The following LRPPRC variants were observed in gnomAD, a reference collection of about 807,000 sequenced individuals.
LRPPRC encodes the protein leucine rich pentatricopeptide repeat containing, also known as leucine-rich PPR motif-containing protein, mitochondrial.
Under a neutral mutation model 180.3 loss-of-function variants are expected in LRPPRC, and 120 were observed. That is an observed-to-expected ratio of 0.67 (90% CI 0.57 to 0.77). The LOEUF (loss-of-function observed/expected upper bound fraction) is 0.77, where lower values mean the gene tolerates loss of function less well. LRPPRC is among the 30% of genes least tolerant of loss of function. The pLI, the probability that LRPPRC is intolerant of heterozygous loss-of-function variation, is 0.00. For missense variants in LRPPRC, 2,012 were observed against 1,657.2 expected (o/e 1.21, Z -3.72); for synonymous variants, 723 against 600.0 (o/e 1.21, Z -3.00).
At chr2:43,908,317 T>A (rs889492310) in intron 30 of LRPPRC, among the ~76,000 whole-genome samples, 10 of 152,332 alleles carry the variant, frequency 6.6e-5, no homozygotes, top group African/African-American at 2.4e-4. Context: ...ATAAATTATT[T>A]TGAAACATGA....
chr2:43,940,943 A>C (rs1023946899), intron 23 of LRPPRC, among the ~76,000 whole-genome samples: 3 of 152,206 alleles, frequency 2.0e-5, no homozygotes. Flanking sequence ...TACATGTAAA[A>C]TACGTGGCTT....
chr2:43,969,791 T>A (rs1277002977), intron 11 of LRPPRC, among the ~76,000 whole-genome samples: 1 of 152,058 alleles, frequency 6.6e-6, no homozygotes, highest in East Asian at 1.9e-4. Context: ...CTAGCAATCC[T>A]CCCACCCCAG....
chr2:43,896,542 G>A, intron 35 of LRPPRC, 92 bp downstream of exon 35: 1 of 843,032 alleles, frequency 1.2e-6, no homozygotes, highest in Non-Finnish European at 2.1e-6. Flanking sequence ...CTCAAATAAG[G>A]TCCTGAAACA....
intron 35 of LRPPRC, among the ~76,000 whole-genome samples, chr2:43,895,671 A>T (rs532814726): frequency 1.3e-5 from 2 of 152,238 alleles, no homozygotes; most frequent in Non-Finnish European, 2.9e-5. Flanking sequence ...AAGTGTAGGT[A>T]TATCTAGGGG....
intron 29 of LRPPRC, among the ~76,000 whole-genome samples, chr2:43,913,639 T>C (rs1040903212): frequency 6.6e-6 from 1 of 152,200 alleles, no homozygotes; most frequent in Admixed American, 6.5e-5. Flanking sequence ...GCAACATTTA[T>C]ATTTGCATCT....
upstream of LRPPRC, chr2:43,996,021 T>G (rs561846730): frequency 3.3e-5 from 49 of 1,480,334 alleles, no homozygotes; most frequent in South Asian, 5.8e-4. Flanking sequence ...CAGGGTAGCC[T>G]GGCGCGGCAG....
At chr2:43,984,073 C>A (rs894132459) in intron 1 of LRPPRC, among the ~76,000 whole-genome samples, 2 of 151,974 alleles carry the variant, frequency 1.3e-5, no homozygotes, top group Non-Finnish European at 2.9e-5. Flanking sequence ...AGAAGATATA[C>A]CCTTAAAATA....
At chr2:43,934,711 A>G in intron 24 of LRPPRC, 43 bp downstream of exon 24, 1 of 1,577,824 alleles carries the variant, frequency 6.3e-7, no homozygotes, top group Non-Finnish European at 8.7e-7. Flanking sequence ...AATCAGCAAG[A>G]AGGGAAAAAA....
chr2:43,994,609 G>C (rs919921959), intron 1 of LRPPRC, among the ~76,000 whole-genome samples: 2 of 152,154 alleles, frequency 1.3e-5, no homozygotes, highest in Non-Finnish European at 2.9e-5. Context: ...TGCAGTCTGG[G>C]CCCAGCCTAC....
chr2:43,904,888 C>T (rs757459940), intron 31 of LRPPRC, among the ~76,000 whole-genome samples: 6 of 152,048 alleles, frequency 3.9e-5, no homozygotes, highest in Non-Finnish European at 8.8e-5. Context: ...TCACTGTATT[C>T]ACTCAAATTC....
chr2:43,989,949 C>G (rs1159615984), intron 1 of LRPPRC, among the ~76,000 whole-genome samples: 1 of 152,182 alleles, frequency 6.6e-6, no homozygotes, highest in Non-Finnish European at 1.5e-5. Context: ...TGCGGTGGCT[C>G]ATGCCTTTAA....
rs1280817242 is a variant in LRPPRC at position 43,925,254 on chromosome 2, CA to C, written c.2806-98del. On this transcript the variant is annotated intron_variant, in intron 26 of 37. Transcript: ENST00000260665. ...GAATAATCTTTCAAATTAGCTTTAC[CA>C]AAAGGGCAGTTGAACTTCATTTCAA... The C allele has an allele frequency of 1.3e-4, 99 of 791,730 alleles. 1 individual carries two copies. Among genetic ancestry groups the C allele is most frequent in the Middle Eastern group, 2.8e-4 (1 of 3,530 alleles). 49.0% of individuals were successfully genotyped at this position (791,730 alleles called of 1,614,324 possible). A position where few individuals can be genotyped will look rare whatever the true frequency, so the allele number is the denominator to read the frequency against.
Position 43,948,213 on chromosome 2 carries a change from AG to A in LRPPRC, c.1843-15del. 1 of 1,456,566 alleles carries A rather than the reference AG, an allele frequency of 6.9e-7. No individual in the cohort carries two copies. The highest frequency in any genetic ancestry group is 9.6e-7 in the Non-Finnish European group (1 of 1,036,616). 90.2% of individuals were successfully genotyped at this position (1,456,566 alleles called of 1,614,324 possible). ...AATTTTTACATTCTGTGAGAAGGGA[AG>A]GGAGGGGGGAAAAAACCTGAGTTTT... On this transcript the variant is annotated splice_polypyrimidine_tract_variant and intron_variant, in intron 17 of 37. Coordinates refer to ENST00000260665, the MANE Select transcript of LRPPRC (RefSeq NM_133259.4).
chr2:43,957,708 T>C (rs151336342), intron 13 of LRPPRC, among the ~76,000 whole-genome samples: 4 of 152,200 alleles, frequency 2.6e-5, no homozygotes, highest in African/African-American at 4.8e-5. Context: ...TTCCTATAAA[T>C]GGCAATTACT....
At chr2:43,976,487 CACT>C (rs1329814590) in intron 5 of LRPPRC, among the ~76,000 whole-genome samples, 2 of 152,018 alleles carry the variant, frequency 1.3e-5, no homozygotes, top group Non-Finnish European at 2.9e-5. Context: ...ATTTGTCTTA[CACT>C]ACTAATTACC....
chr2:43,930,539 T>G (rs150685243), intron 25 of LRPPRC, among the ~76,000 whole-genome samples: 78 of 152,346 alleles, frequency 5.1e-4, no homozygotes, highest in Non-Finnish European at 4.9e-4. Context: ...TTATTTTTAA[T>G]GGCCACATCA....
chr2:43,945,346 T>A lies in LRPPRC; in HGVS notation c.2282A>T (p.His761Leu). Residue 761 changes from histidine to leucine, a missense_variant, in exon 22 of 38, where the codon CAT becomes CTT. Transcript: ENST00000260665. ...CTGAGGCTTACCTTGGAGCTTGCCATGCTTTGCCAATACTCTTACAAGGCC... is the reference window on the plus strand; with the variant it reads ...CTGAGGCTTACCTTGGAGCTTGCCAAGCTTTGCCAATACTCTTACAAGGCC... ...YVGLVRVLAKHGKLQDAINIL... is the reference protein window; with the variant it reads ...YVGLVRVLAKLGKLQDAINIL... 2.5e-6 allele frequency: 4 copies of A among 1,611,472 alleles called. No homozygotes were observed. Among genetic ancestry groups the A allele is most frequent in the Non-Finnish European group, 3.4e-6 (4 of 1,177,704 alleles).
chr2:43,910,631 A>T (rs952917336), intron 30 of LRPPRC, among the ~76,000 whole-genome samples: 1 of 152,174 alleles, frequency 6.6e-6, no homozygotes, highest in Non-Finnish European at 1.5e-5. Context: ...ACAATTTGTT[A>T]TTAATCACAT....
intron 27 of LRPPRC, among the ~76,000 whole-genome samples, chr2:43,922,879 A>G (rs1228438367): frequency 6.6e-6 from 1 of 152,216 alleles, no homozygotes; most frequent in Non-Finnish European, 1.5e-5. Flanking sequence ...GGGCTATCAT[A>G]ACCAGATTAT....
Sources: allele counts gnomAD v4.1 joint callset (sites outside exome capture counted in the v4.1 genomes callset), GRCh38; gene constraint gnomAD v4.1.1; transcripts MANE v1.5; gene names NCBI Gene and HGNC (gene_info 2026-07-23, HGNC 2026-07-21).